SORCS3: variants seen among roughly 807,000 people sequenced by gnomAD.
The protein encoded by SORCS3 is VPS10 domain-containing receptor SorCS3.
In SORCS3, 57 loss-of-function variants were observed where a neutral mutation model predicts 146.3. The observed-to-expected ratio is 0.39, with a 90% CI of 0.31 to 0.49. The LOEUF is 0.49. SORCS3 is among the 20% of genes least tolerant of loss of function. The pLI is 0.92. For synonymous variants in SORCS3, 653 were observed against 618.5 expected (o/e 1.06, Z -0.83); for missense variants, 1,341 against 1,575.5 (o/e 0.85, Z 2.52).
At chr10:104,809,130 A>G (rs546376866) in intron 1 of SORCS3, among the ~76,000 whole-genome samples, 1 of 152,336 alleles carries the variant, frequency 6.6e-6, no homozygotes, top group East Asian at 1.9e-4. Context: ...CTTGAGTTTT[A>G]GATACCTTTA....
At chr10:105,197,745 A>T (rs2119607726) in intron 14 of SORCS3, among the ~76,000 whole-genome samples, 1 of 152,248 alleles carries the variant, frequency 6.6e-6, no homozygotes, top group South Asian at 2.1e-4. Flanking sequence ...GATCTAGCTA[A>T]CATTTCTCTA....
chr10:104,944,677 T>C (rs1277341189), intron 3 of SORCS3, among the ~76,000 whole-genome samples: 2 of 152,160 alleles, frequency 1.3e-5, no homozygotes, highest in African/African-American at 4.8e-5. Context: ...AACCAACATA[T>C]TAGCTAAAAT....
intron 5 of SORCS3, among the ~76,000 whole-genome samples, chr10:105,044,763 G>T (rs781368976): frequency 6.6e-6 from 1 of 151,784 alleles, no homozygotes; most frequent in Non-Finnish European, 1.5e-5. Flanking sequence ...AGAAAAGGGA[G>T]TTGGCAGTAT....
chr10:104,825,628 A>G (rs2017926169), intron 1 of SORCS3, among the ~76,000 whole-genome samples: 1 of 151,902 alleles, frequency 6.6e-6, no homozygotes, highest in Non-Finnish European at 1.5e-5. Flanking sequence ...ATGAGCTCAG[A>G]CTCCTACCTA....
At chr10:105,228,571 G>A (rs2056748273) in intron 20 of SORCS3, among the ~76,000 whole-genome samples, 1 of 151,834 alleles carries the variant, frequency 6.6e-6, no homozygotes, top group Admixed American at 6.6e-5. Context: ...TTGCTTGTCT[G>A]GGAAATATTT....
chr10:104,825,684 T>A (rs564118557), intron 1 of SORCS3, among the ~76,000 whole-genome samples: 1 of 152,282 alleles, frequency 6.6e-6, no homozygotes, highest in East Asian at 1.9e-4. Context: ...GGTGAGATGT[T>A]ATTATGGGAT....
chr10:104,997,512 G>C (rs985176150), intron 4 of SORCS3, among the ~76,000 whole-genome samples: 1 of 152,120 alleles, frequency 6.6e-6, no homozygotes, highest in African/African-American at 2.4e-5. Context: ...AACCTCTGCT[G>C]TTATAATCAT....
At chr10:105,124,745 C>G (rs1359613572) in intron 7 of SORCS3, among the ~76,000 whole-genome samples, 1 of 152,096 alleles carries the variant, frequency 6.6e-6, no homozygotes, top group Non-Finnish European at 1.5e-5. Context: ...CACTTCCCAC[C>G]TCTCCCTCTA....
intron 7 of SORCS3, among the ~76,000 whole-genome samples, chr10:105,128,058 C>T (rs995864840): frequency 7.9e-5 from 12 of 152,084 alleles, no homozygotes; most frequent in Non-Finnish European, 1.2e-4. Context: ...GCTGAATACC[C>T]GATGCATGTC....
At chr10:104,943,834 C>T (rs73342182) in intron 3 of SORCS3, among the ~76,000 whole-genome samples, 17,244 of 152,148 alleles carry the variant, frequency 0.11, 1,557 homozygotes, top group African/African-American at 0.26. Context: ...TTAAGAAAGT[C>T]TGGTATTAGC....
chr10:104,930,978 C>T (rs2019200570), intron 3 of SORCS3, among the ~76,000 whole-genome samples: 1 of 152,148 alleles, frequency 6.6e-6, no homozygotes, highest in African/African-American at 2.4e-5. Flanking sequence ...ATTGTAATCT[C>T]AGGACAATGG....
intron 1 of SORCS3, among the ~76,000 whole-genome samples, chr10:104,754,738 A>G (rs1350814244): frequency 6.6e-6 from 1 of 152,232 alleles, no homozygotes; most frequent in African/African-American, 2.4e-5. Context: ...TCAATAAATG[A>G]AAGCTGATTA....
At chr10:104,690,088 G>T (rs1297257862) in intron 1 of SORCS3, among the ~76,000 whole-genome samples, 1 of 152,196 alleles carries the variant, frequency 6.6e-6, no homozygotes, top group East Asian at 1.9e-4. Context: ...TGCAGTGCCT[G>T]GGTCGGCTCT....
intron 3 of SORCS3, among the ~76,000 whole-genome samples, chr10:104,947,529 G>A (rs541814635): frequency 4.9e-4 from 75 of 152,306 alleles, no homozygotes; most frequent in African/African-American, 1.7e-3. Flanking sequence ...CGGTGCTGCA[G>A]TGATACATCA....
chr10:105,010,050 C>T (rs2055124396), intron 4 of SORCS3, among the ~76,000 whole-genome samples: 1 of 152,178 alleles, frequency 6.6e-6, no homozygotes. Context: ...AGAAATCTGA[C>T]TCCCAGCTCT....
chr10:104,847,048 T>C (rs2133550190), intron 2 of SORCS3, among the ~76,000 whole-genome samples: 1 of 152,196 alleles, frequency 6.6e-6, no homozygotes, highest in South Asian at 2.1e-4. Flanking sequence ...TGTGGTAGGG[T>C]GGTGCTATGG....
chr10:104,745,636 G>T (rs976622513), intron 1 of SORCS3, among the ~76,000 whole-genome samples: 1 of 152,136 alleles, frequency 6.6e-6, no homozygotes, highest in African/African-American at 2.4e-5. Flanking sequence ...ATATAATAGA[G>T]AATTGTTGAC....
intron 4 of SORCS3, among the ~76,000 whole-genome samples, chr10:105,037,270 A>G (rs1450994972): frequency 6.6e-6 from 1 of 152,232 alleles, no homozygotes; most frequent in Non-Finnish European, 1.5e-5. Flanking sequence ...GAAATGTAGC[A>G]TCTCTGTCAT....
intron 14 of SORCS3, among the ~76,000 whole-genome samples, chr10:105,185,152 A>G (rs1338122952): frequency 6.6e-6 from 1 of 152,132 alleles, no homozygotes; most frequent in Non-Finnish European, 1.5e-5. Context: ...AGCTTTTGTT[A>G]AAAAAATAAA....
Sources: allele counts gnomAD v4.1 joint callset (sites outside exome capture counted in the v4.1 genomes callset), GRCh38; gene constraint gnomAD v4.1.1; transcripts MANE v1.5; gene names NCBI Gene and HGNC (gene_info 2026-07-23, HGNC 2026-07-21).